Variants in ASB3 observed in about 807,000 individuals in gnomAD.
ASB3 encodes ankyrin repeat and SOCS box protein 3.
ASB3 carries 41 observed loss-of-function variants against 54.5 expected under a neutral mutation model. That is an observed-to-expected ratio of 0.75 (90% confidence interval 0.59 to 0.98). The LOEUF (loss-of-function observed/expected upper bound fraction) is 0.98, where lower values mean the gene tolerates loss of function less well. Ranked by LOEUF, ASB3 falls within the 50% of genes least tolerant of loss-of-function variation. The probability of loss-of-function intolerance (pLI) is 0.00; values close to 1 mark genes in which losing one functional copy is unlikely to be tolerated. For synonymous variants in ASB3, 266 were observed against 221.2 expected (o/e 1.20, Z -1.80); for missense variants, 733 against 620.0 (o/e 1.18, Z -1.94).
At chr2:53,741,316 T>A (rs1015885683) in intron 3 of ASB3, among the ~76,000 whole-genome samples, 1 of 152,222 alleles carries the variant, frequency 6.6e-6, no homozygotes, top group Non-Finnish European at 1.5e-5. Context: ...CACAAAGGCA[T>A]GGCATGCTGT....
At chr2:53,750,068 T>C (rs1182258099) in intron 3 of ASB3, among the ~76,000 whole-genome samples, 1 of 152,034 alleles carries the variant, frequency 6.6e-6, no homozygotes, top group Non-Finnish European at 1.5e-5. Flanking sequence ...TACTGAAACA[T>C]ATAGTAAATA....
At chr2:53,762,005 G>A (rs753860170) in intron 2 of ASB3, among the ~76,000 whole-genome samples, 1 of 152,214 alleles carries the variant, frequency 6.6e-6, no homozygotes, top group Non-Finnish European at 1.5e-5. Flanking sequence ...TCACTCAAGA[G>A]AGCAGAAGAG....
intron 2 of ASB3, among the ~76,000 whole-genome samples, chr2:53,756,310 T>C (rs80159481): frequency 0.01 from 1,553 of 152,322 alleles, 21 homozygotes; most frequent in African/African-American, 0.036. Context: ...TTACATTTAC[T>C]TGAGCTACTA....
chr2:53,765,490 T>G lies in ASB3; in HGVS notation c.83A>C (p.Lys28Thr). 6.2e-7 allele frequency: 1 copy of G among 1,614,192 alleles called. No homozygotes were observed. Among genetic ancestry groups the G allele is most frequent in the Non-Finnish European group, 8.5e-7 (1 of 1,180,020 alleles). ...AREGNVKVLR[K>T]LLKKGRSVDV... ...GACACTTCGGCCCTTTTTGAGCAGT[T>G]TCCTTAAGACTTTAACATTGCCTTC... The change falls in exon 2 of 10, where the codon AAA (lysine) becomes ACA (threonine). Residue 28 changes from lysine (K) to threonine (T), a missense_variant. Coordinates refer to ENST00000263634, the MANE Select transcript of ASB3 (RefSeq NM_016115.5).
chr2:53,676,773 C>T (rs1425310003), intron 9 of ASB3, among the ~76,000 whole-genome samples: 2 of 151,852 alleles, frequency 1.3e-5, no homozygotes, highest in Non-Finnish European at 2.9e-5. Context: ...TTTGTTTGTT[C>T]GTTTTGTTTT....
chr2:53,762,017 G>T (rs922303460), intron 2 of ASB3, among the ~76,000 whole-genome samples: 3 of 152,218 alleles, frequency 2.0e-5, no homozygotes, highest in African/African-American at 7.2e-5. Flanking sequence ...GCAGAAGAGT[G>T]ACTTGGTCTG....
Position 53,714,438 on chromosome 2 carries a change from T to G in ASB3, c.926A>C (p.Gln309Pro). 1 of 1,614,246 alleles carries G rather than the reference T, an allele frequency of 6.2e-7. No homozygotes were observed. Among genetic ancestry groups the G allele is most frequent in the South Asian group, 1.1e-5 (1 of 91,090 alleles). Reference protein sequence around the residue: ...LLRNGYSPDAQACLVFGFSSP... With the variant: ...LLRNGYSPDAPACLVFGFSSP... The stretch of plus-strand genomic sequence containing the variant: ...ACTGAATCCAAAAACAAGGCACGCC[T>G]GGGCGTCTGGGCTGTAGCCATTCCG... Residue 309 changes from glutamine to proline, a missense_variant, in exon 7 of 10, where the codon CAG (glutamine) becomes CCG (proline). Transcript: ENST00000263634.
At chr2:53,683,024 T>C (rs1345102249) in intron 9 of ASB3, among the ~76,000 whole-genome samples, 1 of 152,196 alleles carries the variant, frequency 6.6e-6, no homozygotes, top group South Asian at 2.1e-4. Context: ...TGAATCATAG[T>C]GGTGAAAGTG....
At chr2:53,711,019 A>G (rs1459424276) in intron 7 of ASB3, among the ~76,000 whole-genome samples, 1 of 152,048 alleles carries the variant, frequency 6.6e-6, no homozygotes, top group African/African-American at 2.4e-5. Flanking sequence ...AGTCCCAGCT[A>G]CTCAAGAGGC....
intron 5 of ASB3, among the ~76,000 whole-genome samples, chr2:53,717,017 G>C (rs1670435123): frequency 6.6e-6 from 1 of 152,116 alleles, no homozygotes; most frequent in Non-Finnish European, 1.5e-5. Flanking sequence ...ACGTGTTTGA[G>C]ACCAGCCTGG....
intron 9 of ASB3, among the ~76,000 whole-genome samples, chr2:53,675,160 A>C (rs1181030114): frequency 1.3e-5 from 2 of 152,218 alleles, no homozygotes; most frequent in South Asian, 4.1e-4. Flanking sequence ...AAGTTGGAAC[A>C]CATTTGCAAA....
chr2:53,738,543 T>G (rs1449287675), intron 3 of ASB3, among the ~76,000 whole-genome samples: 1 of 152,096 alleles, frequency 6.6e-6, no homozygotes, highest in African/African-American at 2.4e-5. Flanking sequence ...TAAGGGACAA[T>G]GTAGATATAG....
intron 3 of ASB3, among the ~76,000 whole-genome samples, chr2:53,739,489 CA>C (rs1384587579): frequency 2.0e-5 from 3 of 152,066 alleles, no homozygotes; most frequent in African/African-American, 4.8e-5. Flanking sequence ...TTTTAAGGGA[CA>C]TTTTTTAAAT....
intron 8 of ASB3, among the ~76,000 whole-genome samples, chr2:53,698,940 CGTT>C: frequency 6.6e-6 from 1 of 152,206 alleles, no homozygotes; most frequent in Non-Finnish European, 1.5e-5. Context: ...CTTAGGTAAT[CGTT>C]ATGAGCAACA....
At chr2:53,695,622 A>G (rs1669141626) in intron 8 of ASB3, among the ~76,000 whole-genome samples, 2 of 152,086 alleles carry the variant, frequency 1.3e-5, no homozygotes, top group Non-Finnish European at 2.9e-5. Context: ...TTTAGTTAAT[A>G]TAACGGTGAG....
At chr2:53,753,810 A>ATT (rs200263926) in intron 2 of ASB3, among the ~76,000 whole-genome samples, 45 of 148,090 alleles carry the variant, frequency 3.0e-4, no homozygotes, top group African/African-American at 7.4e-4. Context: ...AATTTTTTGT[A>ATT]TTTTTTTTTT....
chr2:53,739,657 T>C (rs1365472309), intron 3 of ASB3, among the ~76,000 whole-genome samples: 3 of 152,164 alleles, frequency 2.0e-5, no homozygotes, highest in East Asian at 1.9e-4. Context: ...CTAGAAAATA[T>C]ACTGTTTCAT....
intron 1 of ASB3, among the ~76,000 whole-genome samples, chr2:53,773,436 A>T (rs957175924): frequency 4.0e-5 from 6 of 151,650 alleles, no homozygotes; most frequent in Non-Finnish European, 5.9e-5. Flanking sequence ...ACTTTTATTT[A>T]TTTTTTATTT....
At chr2:53,757,458 G>C (rs537174274) in intron 2 of ASB3, among the ~76,000 whole-genome samples, 5 of 152,208 alleles carry the variant, frequency 3.3e-5, no homozygotes, top group African/African-American at 4.8e-5. Context: ...ACAGTCGCCC[G>C]TGCATGCACC....
Sources: allele counts gnomAD v4.1 joint callset (sites outside exome capture counted in the v4.1 genomes callset), GRCh38; gene constraint gnomAD v4.1.1; transcripts MANE v1.5; gene names NCBI Gene and HGNC (gene_info 2026-07-23, HGNC 2026-07-21).